Variants in ZGRF1 observed in about 807,000 individuals in gnomAD.
The protein encoded by ZGRF1 is 5'-3' DNA helicase ZGRF1.
Under a neutral mutation model 203.5 loss-of-function variants are expected in ZGRF1, and 196 were observed. The ratio of observed to expected loss-of-function variants is 0.96; its 90% CI spans 0.86 to 1.08. The LOEUF is 1.08. Among genes scored for constraint, ZGRF1 ranks in the 50% least tolerant of loss-of-function variants. ZGRF1 has a pLI of 0.00. For synonymous variants in ZGRF1, 809 were observed against 841.3 expected (o/e 0.96, Z 0.66); for missense variants, 2,326 against 2,416.3 (o/e 0.96, Z 0.78).
Position 112,632,014 on chromosome 4 carries a change from A to G in ZGRF1, c.22-4T>C. 6.9e-7 allele frequency: 1 copy of G among 1,439,854 alleles called. No individual in the cohort carries two copies. Among genetic ancestry groups the G allele is most frequent in the Non-Finnish European group, 9.4e-7 (1 of 1,063,336 alleles). 89.2% of individuals were successfully genotyped at this position (1,439,854 alleles called of 1,614,324 possible). ...TCTTTTGATGAGTATATAGAACCTT[A>G]TTTCCAAAAATACAAAAGAAATGGT... is the stretch of plus-strand genomic sequence containing the variant. On this transcript the variant is annotated splice_region_variant and splice_polypyrimidine_tract_variant and intron_variant, in intron 2 of 27. Coordinates refer to ENST00000505019, the MANE Select transcript of ZGRF1 (RefSeq NM_018392.5).
In ZGRF1 at chr4:112,609,395, G is replaced by T. The variant is rs183099706; in HGVS notation, c.2702C>A (p.Pro901Gln). The part of the protein sequence containing the change: ...LKEDEVELSE[P>Q]LQSVQFSSSG... ...ATAACTTACCTGCACAGACTGAAGT[G>T]GTTCACTTAGTTCAACTTCATCTTC... is the stretch of plus-strand genomic sequence containing the variant. The change falls in exon 8 of 28, where the codon CCA (proline) becomes CAA (glutamine). Residue 901 changes from proline to glutamine, a missense_variant. Coordinates refer to ENST00000505019, the MANE Select transcript of ZGRF1 (RefSeq NM_018392.5). The T allele has an allele frequency of 9.2e-5, 145 of 1,579,116 alleles. No homozygotes were observed. The highest frequency in any genetic ancestry group is 1.2e-4 in the Admixed American group (7 of 57,804).
chr4:112,629,088 G>A (rs556667022), intron 3 of ZGRF1, among the ~76,000 whole-genome samples: 6 of 152,240 alleles, frequency 3.9e-5, no homozygotes, highest in East Asian at 1.9e-4. Flanking sequence ...CACAAGGCTC[G>A]ACATGTCCCT....
chr4:112,620,149 G>A lies in ZGRF1; in HGVS notation c.204C>T (p.Ile68=). ...CAGCAACTTTAACCTCTTCAACTGT[G>A]ATTAAGTATCGATCACTTTCTAAGT... ...GDDLESDRYL[I]TVEEVKVAGA... is the part of the protein sequence containing the mutation. The change falls in exon 5 of 28, where the codon ATC becomes ATT. Residue 68 remains isoleucine, a synonymous_variant. Transcript: ENST00000505019. 1.2e-6 allele frequency: 2 copies of A among 1,608,594 alleles called. No individual in the cohort carries two copies. The highest frequency in any genetic ancestry group is 8.5e-7 in the Non-Finnish European group (1 of 1,178,334).
chr4:112,618,592 G>A lies in ZGRF1; in HGVS notation c.1450C>T (p.His484Tyr), dbSNP rs2046963690. 1 of 1,613,554 alleles carries A rather than the reference G, an allele frequency of 6.2e-7. No individual in the cohort carries two copies. Among genetic ancestry groups the A allele is most frequent in the African/African-American group, 1.3e-5 (1 of 74,910 alleles). Residue 484 changes from histidine (H) to tyrosine (Y), a missense_variant, in exon 6 of 28, where the codon CAT becomes TAT. Coordinates refer to ENST00000505019, the MANE Select transcript of ZGRF1 (RefSeq NM_018392.5). Reference sequence around the variant, plus strand: ...TTATTACTAGATTCAATTTGGAGATGTTTCAGTTCTGGCAGAGATGACTCT... The same window carrying A: ...TTATTACTAGATTCAATTTGGAGATATTTCAGTTCTGGCAGAGATGACTCT... The part of the protein sequence containing the change: ...QSESSLPELK[H>Y]LQIESSNNSR...
At chr4:112,544,069 C>G (rs1030638684) in intron 24 of ZGRF1, among the ~76,000 whole-genome samples, 1 of 152,024 alleles carries the variant, frequency 6.6e-6, no homozygotes, top group Non-Finnish European at 1.5e-5. Context: ...AGGTTGGATA[C>G]TGACTTGTCA....
rs149354439 is a variant in ZGRF1, at chr4:112,575,585, T to A, written c.4438+6078A>T. ...ATTTGGGTCACTCCCACTCTAATAC[T>A]GCGCTTTTCCAACAGTCTTAGCAAA... On this transcript the variant is annotated intron_variant, in intron 16 of 27. Coordinates refer to ENST00000505019, the MANE Select transcript of ZGRF1 (RefSeq NM_018392.5). Among the ~76,000 whole-genome samples the A allele has an allele frequency of 6.3e-3, 961 of 152,310 alleles. 17 individuals are homozygous for A. The highest frequency in any genetic ancestry group is 0.021 in the African/African-American group (865 of 41,572).
At chr4:112,589,503 G>A (rs943078947) in intron 11 of ZGRF1, 39 of 546,194 alleles carry the variant, frequency 7.1e-5, no homozygotes, top group Admixed American at 2.5e-4. Flanking sequence ...TGACAAAGTT[G>A]GGAGGAGAAA....
rs1013273489 is a variant in ZGRF1, at chr4:112,635,487, C to T, written c.-67+1364G>A. Among the ~76,000 whole-genome samples the T allele has an allele frequency of 1.8e-4, 27 of 152,038 alleles. 1 individual carries two copies. The highest frequency in any genetic ancestry group is 7.2e-4 in the Admixed American group (11 of 15,260). ...TCACCTAGGCTGGAGTGCAGTGTTG[C>T]AATCATAGCTCGCTGTGGCCTCAAA... On this transcript the variant is annotated intron_variant, in intron 1 of 27. Transcript: ENST00000505019.
intron 16 of ZGRF1, among the ~76,000 whole-genome samples, chr4:112,574,452 A>G (rs1425046797): frequency 6.6e-6 from 1 of 152,178 alleles, no homozygotes; most frequent in Non-Finnish European, 1.5e-5. Flanking sequence ...AAATCTATAC[A>G]CAGAAGAAAG....
At chr4:112,545,958 G>C (rs960553361) in intron 24 of ZGRF1, among the ~76,000 whole-genome samples, 14 of 151,960 alleles carry the variant, frequency 9.2e-5, no homozygotes, top group African/African-American at 3.4e-4. Flanking sequence ...AGGGGCTGAG[G>C]GAAGAGGAAA....
intron 16 of ZGRF1, among the ~76,000 whole-genome samples, chr4:112,572,153 A>T (rs570188242): frequency 6.6e-6 from 1 of 152,314 alleles, no homozygotes; most frequent in South Asian, 2.1e-4. Flanking sequence ...TGGACTGAAG[A>T]TTTAAATCTC....
chr4:112,633,888 A>G (rs1247914775), intron 1 of ZGRF1, among the ~76,000 whole-genome samples: 1 of 152,214 alleles, frequency 6.6e-6, no homozygotes, highest in East Asian at 1.9e-4. Context: ...CCCCTGGACC[A>G]ACAGTATCAT....
intron 4 of ZGRF1, among the ~76,000 whole-genome samples, chr4:112,623,345 C>G (rs1342072926): frequency 6.6e-6 from 1 of 152,088 alleles, no homozygotes; most frequent in East Asian, 1.9e-4. Flanking sequence ...TATGGTAGAA[C>G]AACTTATATT....
rs181082676 is a variant in ZGRF1, at chr4:112,564,447, G to A, written c.4439-1173C>T. ...TTACTGGACAAAATCTATCAAATTG[G>A]ATTCATCTTAAATTTTCTCTGCTGC... On this transcript the variant is annotated intron_variant, in intron 16 of 27. Coordinates refer to ENST00000505019, the MANE Select transcript of ZGRF1 (RefSeq NM_018392.5). Among the ~76,000 whole-genome samples, 174 of 152,196 alleles carry A rather than the reference G, an allele frequency of 1.1e-3. 2 individuals are homozygous for A. Among genetic ancestry groups the A allele is most frequent in the East Asian group, 8.9e-3 (46 of 5,174 alleles).
intron 16 of ZGRF1, among the ~76,000 whole-genome samples, chr4:112,565,558 C>T (rs969914711): frequency 2.6e-5 from 4 of 151,758 alleles, no homozygotes; most frequent in African/African-American, 9.7e-5. Flanking sequence ...AGTGAACAGG[C>T]AACCTACAAA....
intron 16 of ZGRF1, among the ~76,000 whole-genome samples, chr4:112,568,711 CAAAAAAA>C (rs76531414): frequency 2.3e-5 from 1 of 42,848 alleles, no homozygotes. Flanking sequence ...AACTCTGTCT[CAAAAAAA>C]AAAAAAAAAA....
At chr4:112,597,025 T>C (rs1749136173) in intron 10 of ZGRF1, among the ~76,000 whole-genome samples, 1 of 151,010 alleles carries the variant, frequency 6.6e-6, no homozygotes, top group Non-Finnish European at 1.5e-5. Flanking sequence ...GCCATTCTGG[T>C]CAACATAGTG....
rs1747448597 is a variant in ZGRF1, at chr4:112,587,693, AG to A, written c.3363del (p.Phe1123SerfsTer8). 6.2e-7 allele frequency: 1 copy of A among 1,608,664 alleles called. No homozygotes were observed. ...ACTTCCCTAGATTCTTCAGAGAAAA[AG>A]GTTTCATTTTGGTCCTCAGGCTCAA... is the stretch of plus-strand genomic sequence containing the variant. ...FSIEPEDQNETFFSEESREVN... is the reference protein window; with the variant it reads ...FSIEPEDQNEXFFSEESREVN... On this transcript the variant is annotated frameshift_variant, in exon 12 of 28. Coordinates refer to ENST00000505019, the MANE Select transcript of ZGRF1 (RefSeq NM_018392.5). LOFTEE classifies it high-confidence loss of function.
Position 112,558,368 on chromosome 4 carries a change from C to A in ZGRF1, c.4961-59G>T, listed in dbSNP as rs1225039292. 5 of 1,342,480 alleles carry A rather than the reference C, an allele frequency of 3.7e-6. No individual in the cohort carries two copies. The South Asian group carries it at 5.5e-5, about 15-fold the overall frequency. 83.2% of individuals were successfully genotyped at this position (1,342,480 alleles called of 1,614,324 possible). ...CATAAAATAAATAAATTTCTTTTTTCTTTTCTTTTTCTTGAGACAGAGTCT... is the reference window on the plus strand; with the variant it reads ...CATAAAATAAATAAATTTCTTTTTTATTTTCTTTTTCTTGAGACAGAGTCT... On this transcript the variant is annotated intron_variant, in intron 19 of 27. Coordinates refer to ENST00000505019, the MANE Select transcript of ZGRF1 (RefSeq NM_018392.5).
Sources: allele counts gnomAD v4.1 joint callset (sites outside exome capture counted in the v4.1 genomes callset), GRCh38; gene constraint gnomAD v4.1.1; transcripts MANE v1.5; gene names NCBI Gene and HGNC (gene_info 2026-07-23, HGNC 2026-07-21).